Variants in LILRA2 observed in about 807,000 individuals in gnomAD.
The protein encoded by LILRA2 is leukocyte immunoglobulin-like receptor subfamily A member 2.
In LILRA2, 45 loss-of-function variants were observed where a neutral mutation model predicts 47.9. The observed-to-expected ratio is 0.94, with a 90% CI of 0.74 to 1.20. The LOEUF (loss-of-function observed/expected upper bound fraction) is 1.20, where lower values mean the gene tolerates loss of function less well. LILRA2 is among the 50% of genes most tolerant of loss of function. The pLI is 0.00. For synonymous variants in LILRA2, 279 were observed against 249.2 expected, an observed-to-expected ratio of 1.12 and a Z score of -1.13; for missense variants, 651 against 598.2, an observed-to-expected ratio of 1.09 and a Z score of -0.92.
intron 6 of LILRA2, among the ~76,000 whole-genome samples, chr19:54,583,654 C>T (rs370203092): frequency 6.6e-6 from 1 of 151,668 alleles, no homozygotes; most frequent in African/African-American, 2.4e-5. Flanking sequence ...TTATTTTGAG[C>T]CTATGTGTGT....
rs763309822 is a variant in LILRA2 at position 54,574,321 on chromosome 19, C to T, written c.91C>T (p.Leu31Phe). ...TCCAGGGCACCTCCCCAAGCCCACC[C>T]TCTGGGCTGAGCCAGGCTCTGTGAT... ...VQAGHLPKPT[L>F]WAEPGSVIIQ... The change falls in exon 3 of 8, where the codon CTC (leucine) becomes TTC (phenylalanine). Residue 31 changes from leucine (L) to phenylalanine (F), a missense_variant. By Grantham distance (22) the Leu-to-Phe change is conservative (BLOSUM62 0). Coordinates refer to ENST00000391738, the MANE Select transcript of LILRA2 (RefSeq NM_001130917.3). 3.7e-6 allele frequency: 6 copies of T among 1,614,226 alleles called. No individual in the cohort carries two copies. Among genetic ancestry groups the T allele is most frequent in the South Asian group, 1.1e-5 (1 of 91,090 alleles).
chr19:54,573,216 C>T (rs2062196947), upstream of LILRA2: 1 of 451,466 alleles, frequency 2.2e-6, no homozygotes. Flanking sequence ...AGCTCCTGGC[C>T]TCTAGCCTTC....
rs887143582 is a variant in LILRA2, at chr19:54,578,003, C to T, written c.1255+1894C>T. ...TTCACACATTAAAAATGAAGATTTT[C>T]TTAATGAATTTAAGACATGTTTTGA... is the stretch of plus-strand genomic sequence containing the variant. On this transcript the variant is annotated intron_variant, in intron 6 of 7. Transcript: ENST00000391738. Among the ~76,000 whole-genome samples the T allele has an allele frequency of 2.6e-5, 4 of 151,938 alleles. No homozygotes were observed. In the South Asian group the frequency reaches 8.3e-4, roughly 31 times the overall value.
Position 54,578,612 on chromosome 19 carries a change from G to A in LILRA2, c.1255+2503G>A, listed in dbSNP as rs147651706. On this transcript the variant is annotated intron_variant, in intron 6 of 7. Transcript: ENST00000391738. ...GTGCATGTGTCTTTGTCGTAGAATGGTTTATAACCCTTTGGGTATATGCCC... is the reference window on the plus strand; with the variant it reads ...GTGCATGTGTCTTTGTCGTAGAATGATTTATAACCCTTTGGGTATATGCCC... 6.3e-3 allele frequency among the ~76,000 whole-genome samples: 954 copies of A among 152,290 alleles called. 9 individuals are homozygous for A. Among genetic ancestry groups the A allele is most frequent in the African/African-American group, 0.022 (907 of 41,572 alleles).
chr19:54,574,878 A>G lies in LILRA2; in HGVS notation c.500A>G (p.Asn167Ser), dbSNP rs776969787. The G allele has an allele frequency of 6.2e-7, 1 of 1,613,950 alleles. No homozygotes were observed. Among genetic ancestry groups the G allele is most frequent in the Non-Finnish European group, 8.5e-7 (1 of 1,180,008 alleles). Residue 167 changes from asparagine (N) to serine (S), a missense_variant, in exon 4 of 8, where the codon AAC (asparagine) becomes AGC (serine). Coordinates refer to ENST00000391738, the MANE Select transcript of LILRA2 (RefSeq NM_001130917.3). ...GAAGATGAACACCCACAACGCCTGA[A>G]CTCCCATTCCCATGCCCGTGGGTGG... The part of the protein sequence containing the change: ...EGEDEHPQRL[N>S]SHSHARGWSW...
In LILRA2 at chr19:54,574,765, CAG is replaced by C. The variant is rs1177211520; in HGVS notation, c.388_389del (p.Ser130ProfsTer20). The C allele has an allele frequency of 5.0e-6, 8 of 1,614,166 alleles. No individual in the cohort carries two copies. In the Admixed American group the frequency reaches 5.0e-5, roughly 10 times the overall value. ...YSKPTLSALP[S>X]PVVTSGGNVT... ...GCAAACCCACCCTCTCAGCTCTGCC[CAG>C]CCCTGTGGTGACCTCAGGAGGGAAC... On this transcript the variant is annotated frameshift_variant, in exon 4 of 8. Transcript: ENST00000391738. LOFTEE classifies it high-confidence loss of function.
chr19:54,575,665 CAG>C, intron 5 of LILRA2, 113 bp downstream of exon 5: 1 of 1,522,436 alleles, frequency 6.6e-7, no homozygotes, highest in Admixed American at 2.0e-5. Flanking sequence ...GAGGGAGAGA[CAG>C]AGAGAGACAG....
chr19:54,586,023 G>T (rs533952952), intron 6 of LILRA2, among the ~76,000 whole-genome samples: 2 of 151,998 alleles, frequency 1.3e-5, no homozygotes, highest in South Asian at 4.2e-4. Flanking sequence ...ACTCTTCAAT[G>T]ATCTCCTTTA....
At chr19:54,577,911 TGA>T (rs2062521734) in intron 6 of LILRA2, among the ~76,000 whole-genome samples, 2 of 152,114 alleles carry the variant, frequency 1.3e-5, no homozygotes, top group African/African-American at 2.4e-5. Flanking sequence ...CCCCTTTAAT[TGA>T]GTCTTGATTT....
At chr19:54,578,117 C>CTTTT (rs1555779638) in intron 6 of LILRA2, among the ~76,000 whole-genome samples, 1 of 148,562 alleles carries the variant, frequency 6.7e-6, no homozygotes, top group African/African-American at 2.6e-5. Context: ...TATTTGATTT[C>CTTTT]TTTATATATA....
At chr19:54,582,408 A>AT (rs972207025) in intron 6 of LILRA2, among the ~76,000 whole-genome samples, 8 of 151,596 alleles carry the variant, frequency 5.3e-5, no homozygotes, top group South Asian at 4.2e-4. Context: ...CTGGTCCTGG[A>AT]TTTTTTTTGG....
intron 6 of LILRA2, chr19:54,577,502 G>T: frequency 7.8e-7 from 1 of 1,289,592 alleles, no homozygotes; most frequent in Non-Finnish European, 1.0e-6. Flanking sequence ...CACCTGCGGG[G>T]TCCCTGGGCC....
rs147644033 is a variant in LILRA2 at position 54,575,483 on chromosome 19, T to C, written c.883T>C (p.Cys295Arg). 9.1e-4 allele frequency: 1,466 copies of C among 1,613,276 alleles called. 2 individuals are homozygous for C. The highest frequency in any genetic ancestry group is 1.2e-3 in the Non-Finnish European group (1,388 of 1,179,902). The change falls in exon 5 of 8, where the codon TGC (cysteine) becomes CGC (arginine). Residue 295 changes from cysteine to arginine, a missense_variant. Coordinates refer to ENST00000391738, the MANE Select transcript of LILRA2 (RefSeq NM_001130917.3). ...VSPSHGGQYR[C>R]YSAHNLSSEW... ...CCCCTCCCACGGGGGCCAGTACAGA[T>C]GCTACAGTGCACACAACCTCTCCTC...
Position 54,574,509 on chromosome 19 carries a change from G to A in LILRA2, c.279G>A (p.Gly93=). 1 of 1,614,154 alleles carries A rather than the reference G, an allele frequency of 6.2e-7. No individual in the cohort carries two copies. ...PIPSITWEHA[G]RYHCQYYSHN... Reference sequence around the variant, plus strand: ...CATCCATCACCTGGGAACACGCAGGGCGGTATCACTGTCAGTACTACAGCC... The same window carrying A: ...CATCCATCACCTGGGAACACGCAGGACGGTATCACTGTCAGTACTACAGCC... The change falls in exon 3 of 8, where the codon GGG becomes GGA. Residue 93 remains glycine (G), a synonymous_variant. Coordinates refer to ENST00000391738, the MANE Select transcript of LILRA2 (RefSeq NM_001130917.3).
intron 6 of LILRA2, among the ~76,000 whole-genome samples, chr19:54,577,213 GA>G (rs1158665569): frequency 4.3e-5 from 6 of 139,398 alleles, no homozygotes; most frequent in African/African-American, 1.7e-4. Context: ...GTGTACAAGA[GA>G]AAATGTCTCC....
At chr19:54,586,898 T>G in intron 6 of LILRA2, 112 bp from the exon 7 acceptor site, 1 of 679,604 alleles carries the variant, frequency 1.5e-6, no homozygotes, top group South Asian at 2.2e-5. Context: ...AGAGGAAGGG[T>G]TTATTGAGGA....
intron 6 of LILRA2, among the ~76,000 whole-genome samples, chr19:54,579,647 A>G (rs892309928): frequency 2.6e-5 from 4 of 152,156 alleles, no homozygotes; most frequent in Non-Finnish European, 5.9e-5. Context: ...TATGTGAAGA[A>G]AGTCAGTGGT....
At chr19:54,574,659 C>G (rs1243386733) in intron 3 of LILRA2, 72 bp from the exon 4 acceptor site, 8 of 1,600,136 alleles carry the variant, frequency 5.0e-6, no homozygotes, top group African/African-American at 1.3e-5. Flanking sequence ...CATCTCCGCT[C>G]TCACAGCTCA....
Position 54,587,188 on chromosome 19 carries a change from C to T in LILRA2, c.1307-13C>T, listed in dbSNP as rs2062837627. 1 of 1,614,030 alleles carries T rather than the reference C, an allele frequency of 6.2e-7. No homozygotes were observed. Among genetic ancestry groups the T allele is most frequent in the Non-Finnish European group, 8.5e-7 (1 of 1,179,980 alleles). On this transcript the variant is annotated splice_polypyrimidine_tract_variant and intron_variant, in intron 7 of 7. Transcript: ENST00000391738. ...TTCCGATCTGCCCTGACCTCTGTGA[C>T]CTCTTTGTCCAGCATCCCTAGGCCA...
Sources: allele counts gnomAD v4.1 joint callset (sites outside exome capture counted in the v4.1 genomes callset), GRCh38; gene constraint gnomAD v4.1.1; transcripts MANE v1.5; gene names NCBI Gene and HGNC (gene_info 2026-07-23, HGNC 2026-07-21).